The following MS4A18 variants were observed in gnomAD, a reference collection of about 807,000 sequenced individuals.
MS4A18 encodes the protein membrane-spanning 4-domains subfamily A member 18.
A neutral mutation model predicts 13.1 loss-of-function variants in MS4A18; 27 were observed. The ratio of observed to expected loss-of-function variants is 2.06; its 90% CI spans 1.52 to 2.84. MS4A18 has a LOEUF of 2.84. MS4A18 is among the 30% of genes most tolerant of loss of function. The probability of loss-of-function intolerance (pLI) is 0.00; values close to 1 mark genes in which losing one functional copy is unlikely to be tolerated. For missense variants in MS4A18, 307 were observed against 196.4 expected, an observed-to-expected ratio of 1.56 and a Z score of -3.37; for synonymous variants, 126 against 76.5, an observed-to-expected ratio of 1.65 and a Z score of -3.38.
intron 4 of MS4A18, among the ~76,000 whole-genome samples, chr11:60,740,326 G>T (rs887652678): frequency 6.6e-6 from 1 of 152,176 alleles, no homozygotes; most frequent in Non-Finnish European, 1.5e-5. Context: ...CCTACTGTGG[G>T]CAGGGACCAG....
chr11:60,727,832 C>T (rs568041458), upstream of MS4A18, among the ~76,000 whole-genome samples: 10 of 152,312 alleles, frequency 6.6e-5, no homozygotes, highest in South Asian at 1.7e-3. Flanking sequence ...TACATGCCTA[C>T]CTCCTCCCAT....
intron 4 of MS4A18, among the ~76,000 whole-genome samples, chr11:60,739,849 T>C (rs560576511): frequency 3.4e-4 from 51 of 151,964 alleles, no homozygotes; most frequent in Non-Finnish European, 6.6e-4. Context: ...AGATCGAGAG[T>C]AGCTAGCTCC....
rs533845718 is a variant in MS4A18, at chr11:60,739,233, C to T, written c.744+236C>T. On this transcript the variant is annotated intron_variant, in intron 4 of 5. Coordinates refer to ENST00000529108, the Ensembl canonical transcript of MS4A18. Reference sequence around the variant, plus strand: ...GAGGTATAGCCACTTGACCTCTCCTCGTACCTATCCTTTTCTCTACTTGGA... The same window carrying T: ...GAGGTATAGCCACTTGACCTCTCCTTGTACCTATCCTTTTCTCTACTTGGA... Among the ~76,000 whole-genome samples, 7 of 152,256 alleles carry T rather than the reference C, an allele frequency of 4.6e-5. No individual in the cohort carries two copies. The South Asian group carries it at 6.2e-4, about 14-fold the overall frequency.
chr11:60,741,120 GCTAC>G lies in MS4A18; in HGVS notation c.838_841del (p.Thr280AlafsTer10). The G allele has an allele frequency of 1.4e-6, 1 of 703,018 alleles. No homozygotes were observed. Among genetic ancestry groups the G allele is most frequent in the Middle Eastern group, 2.3e-4 (1 of 4,370 alleles). The allele number at this position is 703,018 out of a possible 1,614,324, so 43.5% of individuals were successfully genotyped here. A position where few individuals can be genotyped will look rare whatever the true frequency, so the allele number is the denominator to read the frequency against. The stretch of plus-strand genomic sequence containing the variant: ...TGTGGTCTCACATTTTGGGTGCCAG[GCTAC>G]CTGCTGCAGACAATTTGAGGTAAGC... On this transcript the variant is annotated frameshift_variant, in exon 5 of 6. Coordinates refer to ENST00000529108, the Ensembl canonical transcript of MS4A18. LOFTEE classifies it low-confidence loss of function (END_TRUNC).
intron 1 of MS4A18, among the ~76,000 whole-genome samples, chr11:60,732,482 C>A (rs1180840078): frequency 1.3e-5 from 2 of 151,998 alleles, no homozygotes; most frequent in Non-Finnish European, 2.9e-5. Context: ...GTAATCCCAG[C>A]ACTTTAAGAG....
At chr11:60,727,138 C>T (rs150524826), upstream of MS4A18, among the ~76,000 whole-genome samples, 15,887 of 152,158 alleles carry the variant, frequency 0.1, 857 homozygotes, top group South Asian at 0.16. Flanking sequence ...ATATGTGCCA[C>T]GTTTTCTTTA....
chr11:60,737,041 C>T lies in MS4A18; in HGVS notation c.648+7C>T, dbSNP rs1853353221. ...GGACCCCAGTCCTTGTGTGGTAAGT[C>T]ACAGTGCTGTCTTTGATGATCCTTG... On this transcript the variant is annotated splice_region_variant and intron_variant, in intron 3 of 5. Transcript: ENST00000529108. 2 of 701,314 alleles carry T rather than the reference C, an allele frequency of 2.9e-6. No individual in the cohort carries two copies. Among genetic ancestry groups the T allele is most frequent in the African/African-American group, 3.5e-5 (2 of 56,688 alleles). The allele number at this position is 701,314 out of a possible 1,614,324, so 43.4% of individuals were successfully genotyped here. A position where few individuals can be genotyped will look rare whatever the true frequency, so the allele number is the denominator to read the frequency against.
intron 3 of MS4A18, among the ~76,000 whole-genome samples, chr11:60,737,797 G>C (rs1184321572): frequency 6.6e-6 from 1 of 152,168 alleles, no homozygotes; most frequent in East Asian, 1.9e-4. Context: ...GAAAGCAGTA[G>C]GTCAGCTAGG....
At chr11:60,729,975 T>C (rs1441851672) in intron 1 of MS4A18, among the ~76,000 whole-genome samples, 189 bp downstream of exon 2, 2 of 151,958 alleles carry the variant, frequency 1.3e-5, no homozygotes, top group Non-Finnish European at 2.9e-5. Flanking sequence ...TTCCTTCCAC[T>C]CCCCAAGGAG....
exon 6 of MS4A18, chr11:60,743,982 T>C (rs1250638348): frequency 1.4e-6 from 1 of 702,030 alleles, no homozygotes; most frequent in African/African-American, 1.7e-5. Context: ...CGAACCCTCG[T>C]ACCAAGAAAT....
intron 2 of MS4A18, among the ~76,000 whole-genome samples, chr11:60,736,072 A>G (rs1316193011): frequency 6.6e-6 from 1 of 152,150 alleles, no homozygotes; most frequent in Non-Finnish European, 1.5e-5. Context: ...CTGTATTTGC[A>G]TGCAGCTGGC....
At chr11:60,729,861 G>A (rs1853227720) in intron 1 of MS4A18, 75 bp downstream of exon 2, 1 of 635,874 alleles carries the variant, frequency 1.6e-6, no homozygotes. Flanking sequence ...GATGAGGAAG[G>A]GAATGTGTTG....
At chr11:60,732,069 C>A (rs1853262821) in intron 1 of MS4A18, among the ~76,000 whole-genome samples, 1 of 152,132 alleles carries the variant, frequency 6.6e-6, no homozygotes, top group South Asian at 2.1e-4. Flanking sequence ...AGACAGAAAG[C>A]AGCTGCCCTA....
At position 60,729,380 on chromosome 11, in the gene MS4A18, T is replaced by A. The variant is rs140524942; in HGVS notation, c.65T>A (p.Val22Asp). ...ATTATTGCCCCAGATAATGTTCACG[T>A]CATCCAGCCCAGCAACCCTGTGGCC... Residue 22 changes from valine (V) to aspartate (D), a missense_variant, in exon 1 of 6, where the codon GTC (valine) becomes GAC (aspartate). Transcript: ENST00000529108. The A allele has an allele frequency of 4.9e-3, 3,465 of 702,808 alleles. 19 individuals are homozygous for A. The highest frequency in any genetic ancestry group is 7.3e-3 in the Non-Finnish European group (2,811 of 384,836). The allele number at this position is 702,808 out of a possible 1,614,324, so 43.5% of individuals were successfully genotyped here.
intron 5 of MS4A18, among the ~76,000 whole-genome samples, chr11:60,742,953 C>T (rs185388749): frequency 6.6e-6 from 1 of 152,316 alleles, no homozygotes; most frequent in East Asian, 1.9e-4. Context: ...CACTACATAA[C>T]ATGGGAAATC....
At chr11:60,733,939 T>C (rs967298643) in intron 2 of MS4A18, among the ~76,000 whole-genome samples, 2 of 151,984 alleles carry the variant, frequency 1.3e-5, no homozygotes, top group African/African-American at 4.8e-5. Flanking sequence ...TGGGTTCTCT[T>C]TTATGAGATA....
intron 2 of MS4A18, among the ~76,000 whole-genome samples, chr11:60,734,473 C>T (rs1184714281): frequency 1.3e-5 from 2 of 152,198 alleles, no homozygotes; most frequent in Non-Finnish European, 2.9e-5. Flanking sequence ...GGGCCCTTCC[C>T]TGCAGTGCTG....
intron 1 of MS4A18, among the ~76,000 whole-genome samples, chr11:60,731,399 A>C (rs1853250772): frequency 6.6e-6 from 1 of 152,348 alleles, no homozygotes; most frequent in East Asian, 1.9e-4. Context: ...ACTGCAGACT[A>C]TCTTTAATCA....
chr11:60,726,717 CTTTTATTTTATTTTATTTTATTTTA>C (rs3044411), upstream of MS4A18, among the ~76,000 whole-genome samples: 1 of 124,910 alleles, frequency 8.0e-6, no homozygotes, highest in African/African-American at 3.1e-5. Flanking sequence ...TGGGGTAACA[CTTTTATTTTATTTTATTTTATTTTA>C]TTTTATTTTA....
Sources: gnomAD v4.1 joint callset for allele counts (sites outside exome capture counted in the v4.1 genomes callset) on GRCh38, gnomAD v4.1.1 for gene constraint, MANE v1.5 for transcripts, NCBI Gene and HGNC (gene_info 2026-07-23, HGNC 2026-07-21) for gene names.